Variants in IL6 observed in about 807,000 individuals in gnomAD.
The protein encoded by IL6 is interleukin 6.
Under a neutral mutation model 18.0 loss-of-function variants are expected in IL6, and 5 were observed. The observed-to-expected ratio is 0.28, with a 90% CI of 0.15 to 0.58. IL6 has a LOEUF of 0.58. Among genes scored for constraint, IL6 ranks in the 20% least tolerant of loss-of-function variants. IL6 has a pLI of 0.90. For missense variants in IL6, 266 were observed against 251.0 expected, an observed-to-expected ratio of 1.06 and a Z score of -0.40; for synonymous variants, 97 against 95.1, an observed-to-expected ratio of 1.02 and a Z score of -0.12.
chr7:22,731,452 C>T lies in IL6; in HGVS notation c.518C>T (p.Ala173Val), dbSNP rs763506600. Residue 173 changes from alanine to valine, a missense_variant, in exon 5 of 5, where the codon GCC (alanine) becomes GTC (valine). By Grantham distance (64) the Ala-to-Val change is moderately conservative. Coordinates refer to ENST00000258743, the MANE Select transcript of IL6 (RefSeq NM_000600.5). Reference sequence around the variant, plus strand: ...ACCACCCCTGACCCAACCACAAATGCCAGCCTGCTGACGAAGCTGCAGGCA... The same window carrying T: ...ACCACCCCTGACCCAACCACAAATGTCAGCCTGCTGACGAAGCTGCAGGCA... Reference protein sequence around the residue: ...AITTPDPTTNASLLTKLQAQN... With the variant: ...AITTPDPTTNVSLLTKLQAQN... 6.2e-7 allele frequency: 1 copy of T among 1,606,260 alleles called. No individual in the cohort carries two copies. Among genetic ancestry groups the T allele is most frequent in the Non-Finnish European group, 8.5e-7 (1 of 1,174,428 alleles).
intron 4 of IL6, 46 bp from the exon 5 acceptor site, chr7:22,731,359 AT>A (rs1784120805): frequency 6.2e-6 from 9 of 1,449,260 alleles, no homozygotes; most frequent in East Asian, 4.7e-5. Context: ...ACTGCAAAGG[AT>A]TTATTCAACA....
intron 4 of IL6, 181 bp downstream of exon 4, chr7:22,729,841 G>C: frequency 6.7e-7 from 1 of 1,500,422 alleles, no homozygotes; most frequent in Non-Finnish European, 8.9e-7. Context: ...TGGTTGGTTG[G>C]CTCTCTTCTG....
intron 3 of IL6, 34 bp from the exon 4 acceptor site, chr7:22,729,480 C>T (rs200221659): frequency 5.0e-6 from 8 of 1,597,098 alleles, no homozygotes; most frequent in South Asian, 1.1e-5. Flanking sequence ...TATCTCCTGG[C>T]GATAACCAAT....
Position 22,731,387 on chromosome 7 carries a change from T to A in IL6, c.472-19T>A, listed in dbSNP as rs1784121299. ...TATTCAACATTTAAACAATCCTTTT[T>A]ACTTTCATTTTCCTTCAGGCAAAGA... On this transcript the variant is annotated intron_variant, in intron 4 of 4. Transcript: ENST00000258743. 1.3e-6 allele frequency: 2 copies of A among 1,555,628 alleles called. No homozygotes were observed. Among genetic ancestry groups the A allele is most frequent in the Non-Finnish European group, 1.8e-6 (2 of 1,141,136 alleles).
chr7:22,729,953 G>C, intron 4 of IL6: 5 of 1,341,360 alleles, frequency 3.7e-6, no homozygotes, highest in Non-Finnish European at 3.8e-6. Flanking sequence ...AGGCGGGGGG[G>C]CGGGCAGAAA....
intron 2 of IL6, 116 bp downstream of exon 2, chr7:22,727,750 T>A: frequency 1.7e-6 from 2 of 1,195,092 alleles, no homozygotes; most frequent in Non-Finnish European, 2.3e-6. Flanking sequence ...TAGAGCACTG[T>A]AGATTTGAGG....
In IL6 at chr7:22,728,934, A is replaced by G. The variant is rs1161693841; in HGVS notation, c.324+128A>G. On this transcript the variant is annotated intron_variant, in intron 3 of 4. Transcript: ENST00000258743. The stretch of plus-strand genomic sequence containing the variant: ...GGGTAAATGTAAAGAATGTTATGTA[A>G]ATTTCATGAGGAGGCCAACTTCAAG... The G allele has an allele frequency of 9.2e-6, 6 of 652,964 alleles. No homozygotes were observed. In the East Asian group the frequency reaches 1.6e-4, roughly 18 times the overall value. The allele number at this position is 652,964 out of a possible 1,614,324, so 40.4% of individuals were successfully genotyped here. A position where few individuals can be genotyped will look rare whatever the true frequency, so the allele number is the denominator to read the frequency against.
intron 4 of IL6, among the ~76,000 whole-genome samples, chr7:22,731,173 G>C (rs1784117172): frequency 6.6e-6 from 1 of 151,960 alleles, no homozygotes; most frequent in African/African-American, 2.4e-5. Flanking sequence ...AGGAGGCAGA[G>C]GTTGCTGTGC....
chr7:22,730,065 G>A, intron 4 of IL6: 1 of 985,368 alleles, frequency 1.0e-6, no homozygotes, highest in Non-Finnish European at 1.2e-6. Context: ...TCTTCTCACT[G>A]TGGTTGTTTC....
intron 4 of IL6, among the ~76,000 whole-genome samples, chr7:22,730,894 T>C (rs1382158059): frequency 6.6e-6 from 1 of 152,024 alleles, no homozygotes; most frequent in Non-Finnish European, 1.5e-5. Context: ...GGTGCTTCCC[T>C]CAGGATGCTT....
At chr7:22,729,116 C>G (rs1277642433) in intron 3 of IL6, among the ~76,000 whole-genome samples, 2 of 152,358 alleles carry the variant, frequency 1.3e-5, no homozygotes, top group East Asian at 3.9e-4. Context: ...CTGGCTGCCC[C>G]TGGCAGGGTC....
rs1784124752 is a variant in IL6 at position 22,731,507 on chromosome 7, T to G, written c.573T>G (p.Thr191=). 6.2e-7 allele frequency: 1 copy of G among 1,610,256 alleles called. No homozygotes were observed. The highest frequency in any genetic ancestry group is 1.7e-5 in the Admixed American group (1 of 59,936). The change falls in exon 5 of 5, where the codon ACT becomes ACG. Residue 191 remains threonine (T), a synonymous_variant. Coordinates refer to ENST00000258743, the MANE Select transcript of IL6 (RefSeq NM_000600.5). The part of the protein sequence containing the change: ...AQNQWLQDMT[T]HLILRSFKEF... The stretch of plus-strand genomic sequence containing the variant: ...ACCAGTGGCTGCAGGACATGACAAC[T>G]CATCTCATTCTGCGCAGCTTTAAGG...
rs191229975 is a variant in IL6 at position 22,730,146 on chromosome 7, G to T, written c.471+486G>T. On this transcript the variant is annotated intron_variant, in intron 4 of 4. Transcript: ENST00000258743. ...GTCAGAGACTCAAGGGTGGAAAGAG[G>T]TACCAAAGGCTTTGGCCACCAGTAG... 8 of 985,410 alleles carry T rather than the reference G, an allele frequency of 8.1e-6. No individual in the cohort carries two copies. In the African/African-American group the frequency reaches 1.4e-4, roughly 17 times the overall value. The allele number at this position is 985,410 out of a possible 1,614,324, so 61.0% of individuals were successfully genotyped here.
At chr7:22,728,935 A>G (rs1784069373) in intron 3 of IL6, 129 bp downstream of exon 3, 2 of 651,238 alleles carry the variant, frequency 3.1e-6, no homozygotes, top group African/African-American at 1.8e-5. Context: ...TGTTATGTAA[A>G]TTTCATGAGG....
In IL6 at chr7:22,728,876, G is replaced by A. The variant is rs2069839; in HGVS notation, c.324+70G>A. 814 of 845,136 alleles carry A rather than the reference G, an allele frequency of 9.6e-4. 6 individuals are homozygous for A. The African/African-American group carries it at 0.011, about 12-fold the overall frequency. The allele number at this position is 845,136 out of a possible 1,614,324, so 52.4% of individuals were successfully genotyped here. A position where few individuals can be genotyped will look rare whatever the true frequency, so the allele number is the denominator to read the frequency against. Reference sequence around the variant, plus strand: ...CTTCTCCCTCTTGCATGCAGTGCCTGTATACATATAGATCCAGGCAGCAAC... The same window carrying A: ...CTTCTCCCTCTTGCATGCAGTGCCTATATACATATAGATCCAGGCAGCAAC... On this transcript the variant is annotated intron_variant, in intron 3 of 4. Coordinates refer to ENST00000258743, the MANE Select transcript of IL6 (RefSeq NM_000600.5).
In IL6 at chr7:22,727,300, T is replaced by A; in HGVS notation, c.19+19T>A. The stretch of plus-strand genomic sequence containing the variant: ...TCCACAAGTAAGTGCAGGAAATCCT[T>A]AGCCCTGGAACTGCCAGCGGCGGTC... On this transcript the variant is annotated intron_variant, in intron 1 of 4. Transcript: ENST00000258743. 1 of 1,613,954 alleles carries A rather than the reference T, an allele frequency of 6.2e-7. No homozygotes were observed. Among genetic ancestry groups the A allele is most frequent in the Non-Finnish European group, 8.5e-7 (1 of 1,180,000 alleles).
chr7:22,730,270 C>A (rs948202198), intron 4 of IL6: 1 of 985,258 alleles, frequency 1.0e-6, no homozygotes, highest in Non-Finnish European at 1.2e-6. Flanking sequence ...TGGTGCTGAT[C>A]CTGCCTCTGC....
chr7:22,727,714 T>A (rs1385872142), intron 2 of IL6, 80 bp downstream of exon 2: 1 of 1,466,600 alleles, frequency 6.8e-7, no homozygotes. Flanking sequence ...GGGGGCTGCC[T>A]GCATTAGGAG....
chr7:22,727,687 T>C, intron 2 of IL6, 53 bp downstream of exon 2: 1 of 1,516,582 alleles, frequency 6.6e-7, no homozygotes, highest in Non-Finnish European at 8.8e-7. Context: ...GCGTTCCCCT[T>C]GCCCCTGCGT....
Sources: gnomAD v4.1 joint callset for allele counts (sites outside exome capture counted in the v4.1 genomes callset) on GRCh38, gnomAD v4.1.1 for gene constraint, MANE v1.5 for transcripts, NCBI Gene and HGNC (gene_info 2026-07-23, HGNC 2026-07-21) for gene names.